PTPRD: variants seen among roughly 807,000 people sequenced by gnomAD.
PTPRD encodes receptor-type tyrosine-protein phosphatase delta.
In PTPRD, 34 loss-of-function variants were observed where a neutral mutation model predicts 214.5. That is an observed-to-expected ratio of 0.16 (90% CI 0.12 to 0.21). The LOEUF (loss-of-function observed/expected upper bound fraction) is 0.21. PTPRD is among the 10% of genes least tolerant of loss of function. The pLI is 1.00. For synonymous variants in PTPRD, 1,128 were observed against 845.7 expected, an observed-to-expected ratio of 1.33 and a Z score of -5.79; for missense variants, 2,545 against 2,398.7, an observed-to-expected ratio of 1.06 and a Z score of -1.27.
At chr9:9,791,529 CT>C (rs773268935) in intron 5 of PTPRD, among the ~76,000 whole-genome samples, 1 of 152,098 alleles carries the variant, frequency 6.6e-6, no homozygotes, top group Non-Finnish European at 1.5e-5. Context: ...TCTATCACCC[CT>C]GATGATAAGT....
chr9:8,417,661 C>T (rs10114603), intron 35 of PTPRD, among the ~76,000 whole-genome samples: 18,678 of 152,088 alleles, frequency 0.12, 1,136 homozygotes, highest in East Asian at 0.14. Flanking sequence ...CAGTTGTCAT[C>T]CTGTATTACC....
chr9:9,415,195 G>T lies in PTPRD; in HGVS notation c.-236-17713C>A, dbSNP rs1389783233. Among the ~76,000 whole-genome samples the T allele has an allele frequency of 4.6e-5, 7 of 152,140 alleles. No homozygotes were observed. The East Asian group carries it at 1.4e-3, about 29-fold the overall frequency. ...ATGAGTCACAGAGTTCCTTCAGATGGCATAAAAAAGACCTCTCTTCCTGTA... is the reference window on the plus strand; with the variant it reads ...ATGAGTCACAGAGTTCCTTCAGATGTCATAAAAAAGACCTCTCTTCCTGTA... On this transcript the variant is annotated intron_variant, in intron 8 of 45. Transcript: ENST00000381196.
At chr9:8,800,498 T>C (rs1454669628) in intron 11 of PTPRD, among the ~76,000 whole-genome samples, 1 of 152,246 alleles carries the variant, frequency 6.6e-6, no homozygotes, top group Non-Finnish European at 1.5e-5. Context: ...AAAACCAAGA[T>C]GGCCACAAGA....
At chr9:9,547,123 AC>A (rs2078989482) in intron 8 of PTPRD, among the ~76,000 whole-genome samples, 1 of 152,054 alleles carries the variant, frequency 6.6e-6, no homozygotes, top group Non-Finnish European at 1.5e-5. Context: ...CAAATGCCAT[AC>A]CAAACTTACA....
At chr9:8,720,235 TG>T (rs922775323) in intron 12 of PTPRD, among the ~76,000 whole-genome samples, 57 of 152,322 alleles carry the variant, frequency 3.7e-4, no homozygotes, top group African/African-American at 1.3e-3. Context: ...AGGTGTGGGC[TG>T]GCTGAGTATT....
chr9:9,782,538 T>C (rs1026348237), intron 5 of PTPRD, among the ~76,000 whole-genome samples: 1 of 152,106 alleles, frequency 6.6e-6, no homozygotes, highest in East Asian at 1.9e-4. Flanking sequence ...AAACCCTAGG[T>C]TGTGATAAAT....
At chr9:8,659,868 G>C (rs1247917297) in intron 12 of PTPRD, among the ~76,000 whole-genome samples, 5 of 152,138 alleles carry the variant, frequency 3.3e-5, no homozygotes, top group Non-Finnish European at 7.4e-5. Flanking sequence ...ATTTGATCTA[G>C]AGAAAGAATA....
chr9:8,906,575 T>C (rs2098709363), intron 11 of PTPRD, among the ~76,000 whole-genome samples: 1 of 152,158 alleles, frequency 6.6e-6, no homozygotes, highest in Non-Finnish European at 1.5e-5. Context: ...TATACAAAAA[T>C]GTAAAAAGTA....
chr9:9,944,854 T>C (rs1360201566), intron 4 of PTPRD, among the ~76,000 whole-genome samples: 1 of 151,990 alleles, frequency 6.6e-6, no homozygotes, highest in Admixed American at 6.6e-5. Flanking sequence ...GGGGTATTTT[T>C]TGAGTAGAAA....
chr9:9,392,387 T>G (rs2382004), intron 9 of PTPRD, among the ~76,000 whole-genome samples: 131,744 of 152,166 alleles, frequency 0.87, 57,160 homozygotes, highest in Middle Eastern at 0.89. Context: ...CTTAGCTTTT[T>G]AATCATTCAA....
intron 11 of PTPRD, among the ~76,000 whole-genome samples, chr9:8,821,056 C>A (rs1395664403): frequency 2.6e-5 from 4 of 152,174 alleles, no homozygotes; most frequent in Non-Finnish European, 2.9e-5. Flanking sequence ...TGGCTATAGA[C>A]CAGCATCAGA....
intron 3 of PTPRD, among the ~76,000 whole-genome samples, chr9:10,143,970 G>A (rs534084145): frequency 6.6e-6 from 1 of 152,108 alleles, no homozygotes; most frequent in East Asian, 1.9e-4. Context: ...CTATCTGGGA[G>A]ATGGATACTT....
At chr9:10,172,289 T>C (rs1428929621) in intron 3 of PTPRD, among the ~76,000 whole-genome samples, 1 of 152,202 alleles carries the variant, frequency 6.6e-6, no homozygotes, top group Non-Finnish European at 1.5e-5. Flanking sequence ...ATTTATAAGC[T>C]ACCTCTTATA....
intron 14 of PTPRD, among the ~76,000 whole-genome samples, chr9:8,575,517 G>A (rs534663922): frequency 2.3e-4 from 35 of 152,178 alleles, no homozygotes; most frequent in African/African-American, 6.7e-4. Context: ...AGTATCCTTC[G>A]TTACTGTGAC....
chr9:8,932,089 T>C (rs1387473117), intron 11 of PTPRD, among the ~76,000 whole-genome samples: 1 of 152,166 alleles, frequency 6.6e-6, no homozygotes, highest in African/African-American at 2.4e-5. Flanking sequence ...GTCTATTTTG[T>C]TAATCTTTTC....
chr9:9,285,456 C>G (rs1949059114), intron 9 of PTPRD, among the ~76,000 whole-genome samples: 1 of 151,684 alleles, frequency 6.6e-6, no homozygotes, highest in Non-Finnish European at 1.5e-5. Flanking sequence ...TCATTGGTAA[C>G]TAATTGGAGG....
At chr9:8,477,393 T>C (rs983003231) in intron 30 of PTPRD, among the ~76,000 whole-genome samples, 13 of 152,204 alleles carry the variant, frequency 8.5e-5, no homozygotes, top group Admixed American at 6.5e-4. Context: ...GTTTTAATTA[T>C]ATTAAGTAAA....
At chr9:10,466,394 C>T (rs10123563) in intron 2 of PTPRD, among the ~76,000 whole-genome samples, 77,546 of 151,758 alleles carry the variant, frequency 0.51, 22,868 homozygotes, top group Non-Finnish European at 0.69. Flanking sequence ...GAGGCTGAGG[C>T]GGGAGGACCA....
At chr9:9,349,081 G>A (rs920527932) in intron 9 of PTPRD, among the ~76,000 whole-genome samples, 1 of 152,000 alleles carries the variant, frequency 6.6e-6, no homozygotes, top group African/African-American at 2.4e-5. Flanking sequence ...ATTGTGAAGA[G>A]GAGATCCATT....
Sources: gnomAD v4.1 joint callset for allele counts (sites outside exome capture counted in the v4.1 genomes callset) on GRCh38, gnomAD v4.1.1 for gene constraint, MANE v1.5 for transcripts, NCBI Gene and HGNC (gene_info 2026-07-23, HGNC 2026-07-21) for gene names.